HDAC9: variants seen among roughly 807,000 people sequenced by gnomAD.
HDAC9 encodes the protein MEF-2 interacting transcription repressor (MITR) protein.
HDAC9 carries 41 observed loss-of-function variants against 139.4 expected under a neutral mutation model. That is an observed-to-expected ratio of 0.29 (90% CI 0.23 to 0.38). The LOEUF (loss-of-function observed/expected upper bound fraction) is 0.38. Ranked by LOEUF, HDAC9 falls within the 10% of genes least tolerant of loss-of-function variation. The pLI is 1.00. For missense variants in HDAC9, 1,147 were observed against 1,297.0 expected (o/e 0.88, Z 1.78); for synonymous variants, 517 against 476.2 (o/e 1.09, Z -1.12).
intron 2 of HDAC9, among the ~76,000 whole-genome samples, chr7:18,189,778 T>C (rs1228457525): frequency 6.6e-6 from 1 of 152,168 alleles, no homozygotes; most frequent in Non-Finnish European, 1.5e-5. Flanking sequence ...GCAAACCAAG[T>C]GTCAAAAAAC....
intron 11 of HDAC9, among the ~76,000 whole-genome samples, chr7:18,657,360 A>G (rs1313024195): frequency 6.6e-6 from 1 of 152,102 alleles, no homozygotes; most frequent in Non-Finnish European, 1.5e-5. Context: ...GGAGAGAGTG[A>G]TTCATTGGTT....
chr7:18,347,642 G>A (rs1215628078), intron 1 of HDAC9, among the ~76,000 whole-genome samples: 1 of 152,068 alleles, frequency 6.6e-6, no homozygotes, highest in Admixed American at 6.6e-5. Flanking sequence ...GTCTCAGTCT[G>A]TTGCCCAAGC....
chr7:18,356,357 G>GTTT (rs1562911066), intron 1 of HDAC9, among the ~76,000 whole-genome samples: 1 of 27,356 alleles, frequency 3.7e-5, no homozygotes, highest in Non-Finnish European at 7.5e-5. Context: ...GCAGCACATA[G>GTTT]GTTTTTTTTT....
chr7:18,671,373 C>A (rs1795668262), intron 12 of HDAC9, among the ~76,000 whole-genome samples: 1 of 151,890 alleles, frequency 6.6e-6, no homozygotes, highest in South Asian at 2.1e-4. Flanking sequence ...AGTCATCTAC[C>A]TTTTTCAAGC....
intron 24 of HDAC9, among the ~76,000 whole-genome samples, chr7:18,967,236 C>T (rs1017120951): frequency 2.0e-5 from 3 of 152,176 alleles, no homozygotes; most frequent in African/African-American, 7.2e-5. Context: ...TTATGTAACA[C>T]TCCATGAAGC....
At chr7:18,403,689 A>G (rs1443397085) in intron 1 of HDAC9, among the ~76,000 whole-genome samples, 1 of 152,230 alleles carries the variant, frequency 6.6e-6, no homozygotes, top group African/African-American at 2.4e-5. Context: ...AGTAGCTACT[A>G]TGTCCAAGGT....
chr7:18,629,581 G>A (rs1584349296), intron 7 of HDAC9, 100 bp downstream of exon 7: 2 of 1,164,860 alleles, frequency 1.7e-6, no homozygotes, highest in East Asian at 5.6e-5. Flanking sequence ...GTTATTTTGA[G>A]AAGAAATATT....
chr7:18,384,717 CA>C (rs1233260929), intron 1 of HDAC9, among the ~76,000 whole-genome samples: 1 of 150,866 alleles, frequency 6.6e-6, no homozygotes, highest in Non-Finnish European at 1.5e-5. Context: ...AGCCATTAGC[CA>C]GCATGTTATG....
intron 1 of HDAC9, among the ~76,000 whole-genome samples, chr7:18,355,082 G>A (rs1783151033): frequency 6.6e-6 from 1 of 152,184 alleles, no homozygotes; most frequent in African/African-American, 2.4e-5. Flanking sequence ...AAACAGAAGT[G>A]ATGATAATTA....
At chr7:18,322,324 T>A (rs1585168298) in intron 1 of HDAC9, among the ~76,000 whole-genome samples, 1 of 152,180 alleles carries the variant, frequency 6.6e-6, no homozygotes. Context: ...GATTTTTGGA[T>A]GTTGAGAAAG....
chr7:18,721,694 T>A (rs1201456110), intron 12 of HDAC9, among the ~76,000 whole-genome samples: 1 of 152,172 alleles, frequency 6.6e-6, no homozygotes, highest in African/African-American at 2.4e-5. Context: ...CCAGAAGCTA[T>A]ACATTTGGTC....
At chr7:18,369,498 C>A (rs1306178338) in intron 1 of HDAC9, among the ~76,000 whole-genome samples, 6 of 150,030 alleles carry the variant, frequency 4.0e-5, no homozygotes, top group Non-Finnish European at 8.9e-5. Context: ...TCCCTTTTTT[C>A]TTCTCTTTTA....
intron 14 of HDAC9, among the ~76,000 whole-genome samples, chr7:18,761,614 C>A (rs533807932): frequency 1.3e-5 from 2 of 152,088 alleles, no homozygotes; most frequent in African/African-American, 4.8e-5. Flanking sequence ...CAGATATTGA[C>A]GTGTTATTGA....
At chr7:18,571,367 T>C (rs1824218919) in intron 2 of HDAC9, among the ~76,000 whole-genome samples, 1 of 152,136 alleles carries the variant, frequency 6.6e-6, no homozygotes, top group African/African-American at 2.4e-5. Flanking sequence ...TCAAACTGAG[T>C]TCCATGGAGC....
chr7:18,278,862 ATTTCT>A (rs1176306116), intron 2 of HDAC9, among the ~76,000 whole-genome samples: 1 of 152,150 alleles, frequency 6.6e-6, no homozygotes, highest in Non-Finnish European at 1.5e-5. Context: ...AAGAAAAATA[ATTTCT>A]TTTCTATTGA....
At chr7:18,844,734 A>G (rs1470323885) in intron 21 of HDAC9, among the ~76,000 whole-genome samples, 2 of 152,182 alleles carry the variant, frequency 1.3e-5, no homozygotes, top group Non-Finnish European at 2.9e-5. Context: ...TAGAAGAGGC[A>G]CAGATTTATA....
chr7:18,767,142 G>A lies in HDAC9; in HGVS notation c.2201G>A (p.Cys734Tyr), dbSNP rs780736652. Residue 734 changes from cysteine (C) to tyrosine (Y), a missense_variant, in exon 16 of 26, where the codon TGT becomes TAT. By Grantham distance (194) the Cys-to-Tyr change is radical (BLOSUM62 -2). Around this residue, in one of 7 missense-constraint regions of HDAC9, gnomAD observed 407 missense variants for 521.5 expected, o/e 0.78. Transcript: ENST00000686413. Reference sequence around the variant, plus strand: ...CAAAAGTTTTTTTCCTCATTACCTTGTGGTGGACTTGGGGTAAGTACAAGT... The same window carrying A: ...CAAAAGTTTTTTTCCTCATTACCTTATGGTGGACTTGGGGTAAGTACAAGT... The part of the protein sequence containing the change: ...DSQKFFSSLP[C>Y]GGLGVDSDTI... 6.3e-7 allele frequency: 1 copy of A among 1,578,684 alleles called. No individual in the cohort carries two copies. The highest frequency in any genetic ancestry group is 1.8e-5 in the Admixed American group (1 of 56,308).
At chr7:18,398,596 G>T (rs190541253) in intron 1 of HDAC9, among the ~76,000 whole-genome samples, 1 of 152,010 alleles carries the variant, frequency 6.6e-6, no homozygotes, top group Non-Finnish European at 1.5e-5. Flanking sequence ...AGGATTGTGC[G>T]TATGAGCCTT....
chr7:18,302,846 A>G (rs963805731), intron 1 of HDAC9, among the ~76,000 whole-genome samples: 1 of 152,226 alleles, frequency 6.6e-6, no homozygotes, highest in Non-Finnish European at 1.5e-5. Flanking sequence ...ACTGACAGAT[A>G]TTAAACAAAT....
Sources: gnomAD v4.1 joint callset for allele counts (sites outside exome capture counted in the v4.1 genomes callset) on GRCh38, gnomAD v4.1.1 for gene constraint, gnomAD v4.1.1 regional missense constraint, MANE v1.5 for transcripts, NCBI Gene and HGNC (gene_info 2026-07-23, HGNC 2026-07-21) for gene names.